The following CACNB2 variants were observed in gnomAD, a reference collection of about 807,000 sequenced individuals.
CACNB2 encodes the protein calcium voltage-gated channel auxiliary subunit beta 2, also known as voltage-dependent L-type calcium channel subunit beta-2.
CACNB2 carries 42 observed loss-of-function variants against 73.3 expected under a neutral mutation model. The observed-to-expected ratio is 0.57, with a 90% CI of 0.45 to 0.74. The LOEUF (loss-of-function observed/expected upper bound fraction) is 0.74. Ranked by LOEUF, CACNB2 falls within the 30% of genes least tolerant of loss-of-function variation. The pLI, the probability that CACNB2 is intolerant of heterozygous loss-of-function variation, is 0.00. For synonymous variants in CACNB2, 348 were observed against 310.3 expected (o/e 1.12, Z -1.28); for missense variants, 940 against 853.0 (o/e 1.10, Z -1.27).
chr10:18,223,096 T>A (rs1051402972), intron 2 of CACNB2, among the ~76,000 whole-genome samples: 10 of 152,214 alleles, frequency 6.6e-5, no homozygotes, highest in African/African-American at 2.2e-4. Flanking sequence ...GTCATGGGCA[T>A]ATTTATGGGC....
intron 7 of CACNB2, 143 bp from the exon 8 acceptor site, chr10:18,518,193 G>A: frequency 1.4e-6 from 1 of 719,938 alleles, no homozygotes; most frequent in Non-Finnish European, 2.5e-6. Flanking sequence ...CTGGGTTTAT[G>A]TAGAAAAGAG....
chr10:18,182,776 C>T (rs1303082776), intron 2 of CACNB2, among the ~76,000 whole-genome samples: 6 of 149,956 alleles, frequency 4.0e-5, no homozygotes, highest in South Asian at 2.1e-4. Context: ...GAGCCAAGAT[C>T]GCACCACTGT....
intron 3 of CACNB2, among the ~76,000 whole-genome samples, chr10:18,479,140 T>C (rs531465474): frequency 8.5e-5 from 13 of 152,374 alleles, no homozygotes; most frequent in African/African-American, 2.9e-4. Context: ...TTATGTAATA[T>C]GGATCATTTA....
chr10:18,144,560 C>G (rs2030767624), intron 1 of CACNB2, among the ~76,000 whole-genome samples: 1 of 152,224 alleles, frequency 6.6e-6, no homozygotes, highest in African/African-American at 2.4e-5. Flanking sequence ...CTCCAAGCTC[C>G]AGATCTGTCT....
chr10:18,348,599 C>T (rs796613795), intron 2 of CACNB2, among the ~76,000 whole-genome samples: 1 of 152,142 alleles, frequency 6.6e-6, no homozygotes, highest in African/African-American at 2.4e-5. Flanking sequence ...CTGCAACCTC[C>T]ACCTCCTGAT....
At chr10:18,419,596 G>T in intron 3 of CACNB2, among the ~76,000 whole-genome samples, 1 of 152,286 alleles carries the variant, frequency 6.6e-6, no homozygotes, top group Admixed American at 6.5e-5. Flanking sequence ...TCCAATAAAG[G>T]TGTACCTGGA....
At chr10:18,249,468 T>C (rs1013790787) in intron 2 of CACNB2, among the ~76,000 whole-genome samples, 2 of 152,228 alleles carry the variant, frequency 1.3e-5, no homozygotes, top group African/African-American at 4.8e-5. Flanking sequence ...AAAATCTCCT[T>C]GAAAAATGTG....
chr10:18,154,788 A>G (rs922423253), intron 2 of CACNB2, among the ~76,000 whole-genome samples: 3 of 152,146 alleles, frequency 2.0e-5, no homozygotes. Context: ...TAAGAAGACA[A>G]AAAGAGAATG....
chr10:18,494,898 A>C (rs930222170), intron 3 of CACNB2, among the ~76,000 whole-genome samples: 1 of 152,080 alleles, frequency 6.6e-6, no homozygotes, highest in Non-Finnish European at 1.5e-5. Flanking sequence ...CTGTCTCTAC[A>C]AAGTTTTTTT....
At chr10:18,409,731 C>T (rs2044509877) in intron 3 of CACNB2, among the ~76,000 whole-genome samples, 1 of 152,120 alleles carries the variant, frequency 6.6e-6, no homozygotes, top group Non-Finnish European at 1.5e-5. Context: ...GAGTGGGCAC[C>T]ATTATCTTTT....
Position 18,464,418 on chromosome 10 carries a change from T to TTAAAAAAAAAAAAAAAAAAAA in CACNB2, c.334-33937_334-33936insTAAAAAAAAAAAAAAAAAAAA, listed in dbSNP as rs1360690647. 1.1e-3 allele frequency among the ~76,000 whole-genome samples: 95 copies of TTAAAAAAAAAAAAAAAAAAAA among 85,298 alleles called. 3 individuals are homozygous for TTAAAAAAAAAAAAAAAAAAAA. The highest frequency in any genetic ancestry group is 3.2e-3 in the South Asian group (6 of 1,886). The allele number at this position is 85,298 out of a possible 152,430, so 56.0% of individuals were successfully genotyped here. A position where few individuals can be genotyped will look rare whatever the true frequency, so the allele number is the denominator to read the frequency against. ...CAGAGTGAGACCCTGTCTCAAAAAT[T>TTAAAAAAAAAAAAAAAAAAAA]AAAAAAAAAAAAAAAAAAAAAAGAA... On this transcript the variant is annotated intron_variant, in intron 3 of 13. Coordinates refer to ENST00000324631, the MANE Select transcript of CACNB2 (RefSeq NM_201596.3).
At chr10:18,415,282 C>G (rs1317973110) in intron 3 of CACNB2, among the ~76,000 whole-genome samples, 2 of 152,022 alleles carry the variant, frequency 1.3e-5, no homozygotes, top group African/African-American at 4.8e-5. Context: ...TTGGGCAACA[C>G]AGTGAGATCT....
intron 2 of CACNB2, among the ~76,000 whole-genome samples, chr10:18,320,311 T>G (rs2040352451): frequency 6.6e-6 from 1 of 152,190 alleles, no homozygotes; most frequent in Non-Finnish European, 1.5e-5. Flanking sequence ...TCTTCGTAGT[T>G]GCATTGTTAT....
chr10:18,195,585 G>A (rs561897838), intron 2 of CACNB2, among the ~76,000 whole-genome samples: 11 of 152,164 alleles, frequency 7.2e-5, no homozygotes, highest in Non-Finnish European at 1.5e-4. Flanking sequence ...CCTGGCTCTC[G>A]GCCAGAGAGA....
At chr10:18,237,090 G>T (rs942454863) in intron 2 of CACNB2, among the ~76,000 whole-genome samples, 7 of 152,284 alleles carry the variant, frequency 4.6e-5, no homozygotes, top group East Asian at 3.9e-4. Context: ...CATTGCAATT[G>T]CCTCCAATGT....
At chr10:18,496,639 G>A (rs11014508) in intron 3 of CACNB2, among the ~76,000 whole-genome samples, 7 of 149,302 alleles carry the variant, frequency 4.7e-5, no homozygotes, top group Non-Finnish European at 1.0e-4. Context: ...ATGGTGAAAC[G>A]CCATCTCTAC....
intron 3 of CACNB2, among the ~76,000 whole-genome samples, chr10:18,479,377 T>A (rs2048603575): frequency 6.6e-6 from 1 of 152,014 alleles, no homozygotes. Flanking sequence ...ATACCTGGAG[T>A]TCTTAATAAA....
At chr10:18,360,468 C>T (rs551807610) in intron 2 of CACNB2, among the ~76,000 whole-genome samples, 6 of 152,162 alleles carry the variant, frequency 3.9e-5, no homozygotes, top group Non-Finnish European at 8.8e-5. Context: ...AAGGGATCCT[C>T]AGGCCTCAGC....
At position 18,345,070 on chromosome 10, in the gene CACNB2, AT is replaced by A. The variant is rs2041393636; in HGVS notation, c.214-56849del. Among the ~76,000 whole-genome samples, 3 of 152,316 alleles carry A rather than the reference AT, an allele frequency of 2.0e-5. No individual in the cohort carries two copies. The South Asian group carries it at 6.2e-4, about 32-fold the overall frequency. On this transcript the variant is annotated intron_variant, in intron 2 of 13. Transcript: ENST00000324631. ...TGATTGTCCAATAAAATGGTCATTTATTTTTGGACTTTTTAATTGATTTTAT... is the reference window on the plus strand; with the variant it reads ...TGATTGTCCAATAAAATGGTCATTTATTTTGGACTTTTTAATTGATTTTAT...
Sources: allele counts gnomAD v4.1 joint callset (sites outside exome capture counted in the v4.1 genomes callset), GRCh38; gene constraint gnomAD v4.1.1; transcripts MANE v1.5; gene names NCBI Gene and HGNC (gene_info 2026-07-23, HGNC 2026-07-21).